The following NFXL1 variants were observed in gnomAD, a reference collection of about 807,000 sequenced individuals.
NFXL1 encodes NF-X1-type zinc finger protein NFXL1.
A neutral mutation model predicts 123.3 loss-of-function variants in NFXL1; 66 were observed. The observed-to-expected ratio is 0.54, with a 90% CI of 0.44 to 0.66. NFXL1 has a LOEUF of 0.66. Ranked by LOEUF, NFXL1 falls within the 30% of genes least tolerant of loss-of-function variation. NFXL1 has a pLI of 0.00. For synonymous variants in NFXL1, 346 were observed against 360.8 expected (o/e 0.96, Z 0.46); for missense variants, 944 against 1,125.6 (o/e 0.84, Z 2.31).
In NFXL1 at chr4:47,875,289, C is replaced by T. The variant is rs1356093749; in HGVS notation, c.2084G>A (p.Gly695Asp). Residue 695 changes from glycine to aspartate, a missense_variant, in exon 18 of 23, where the codon GGC becomes GAC. Gly to Asp is a moderately conservative substitution (Grantham distance 94, BLOSUM62 -1). Around this residue, in one of 4 missense-constraint regions of NFXL1, gnomAD observed 301 missense variants for 348.0 expected, o/e 0.86. Coordinates refer to ENST00000507489, the MANE Select transcript of NFXL1 (RefSeq NM_001278624.2). The stretch of plus-strand genomic sequence containing the variant: ...TTCCTCACAATGAAGGCATTCTGGG[C>T]CAGCCTGAAAAACAGCATGGAAATA... The part of the protein sequence containing the change: ...TDGCTGKNKA[G>D]PECLHCEEGC... 6.2e-7 allele frequency: 1 copy of T among 1,607,568 alleles called. No individual in the cohort carries two copies.
rs747583072 is a variant in NFXL1 at position 47,896,649 on chromosome 4, TA to T, written c.1205-3del. The T allele has an allele frequency of 1.3e-4, 201 of 1,600,972 alleles. 2 individuals are homozygous for T. The South Asian group carries it at 2.2e-3, about 17-fold the overall frequency. ...CTTCTGTACAAGGCAAAGAAAACTC[TA>T]AAAACATACAAAAAGTCAATGTTAA... On this transcript the variant is annotated splice_polypyrimidine_tract_variant and splice_region_variant and intron_variant, in intron 9 of 22. Coordinates refer to ENST00000507489, the MANE Select transcript of NFXL1 (RefSeq NM_001278624.2).
intron 18 of NFXL1, among the ~76,000 whole-genome samples, chr4:47,866,353 C>T (rs964581955): frequency 2.6e-5 from 4 of 152,184 alleles, no homozygotes; most frequent in African/African-American, 4.8e-5. Context: ...CACCCTCAAA[C>T]GCCAACCATT....
intron 12 of NFXL1, among the ~76,000 whole-genome samples, chr4:47,888,428 A>G (rs1033738296): frequency 2.6e-5 from 4 of 152,250 alleles, no homozygotes; most frequent in Non-Finnish European, 5.9e-5. Context: ...ACATTCTTTT[A>G]TAACTGTAGA....
intron 15 of NFXL1, among the ~76,000 whole-genome samples, chr4:47,883,244 G>T (rs1246669717): frequency 7.0e-6 from 1 of 142,386 alleles, no homozygotes; most frequent in Admixed American, 7.0e-5. Flanking sequence ...CCGTCTCAAA[G>T]AAAAAAAAAC....
At position 47,903,651 on chromosome 4, in the gene NFXL1, CTT is replaced by C. The variant is rs1737442256; in HGVS notation, c.517-330_517-329del. ...TCATACTATAATAACTGAAATGTAA[CTT>C]TATAGTCTTTTCTATAAGCATATTT... On this transcript the variant is annotated intron_variant, in intron 4 of 22. Coordinates refer to ENST00000507489, the MANE Select transcript of NFXL1 (RefSeq NM_001278624.2). Among the ~76,000 whole-genome samples, 5 of 151,978 alleles carry C rather than the reference CTT, an allele frequency of 3.3e-5. No homozygotes were observed. The South Asian group carries it at 1.0e-3, about 32-fold the overall frequency.
At chr4:47,891,336 T>A (rs1736759079) in intron 11 of NFXL1, among the ~76,000 whole-genome samples, 1 of 152,088 alleles carries the variant, frequency 6.6e-6, no homozygotes, top group South Asian at 2.1e-4. Flanking sequence ...GCTCTCAAAC[T>A]CCTGAGCTCA....
chr4:47,872,232 G>C (rs1735482094), intron 18 of NFXL1, among the ~76,000 whole-genome samples: 1 of 152,198 alleles, frequency 6.6e-6, no homozygotes, highest in African/African-American at 2.4e-5. Context: ...GGGAGGCCAA[G>C]GTGGGTGGAT....
chr4:47,874,990 T>A (rs886711372), intron 18 of NFXL1, 137 bp downstream of exon 18: 28 of 473,538 alleles, frequency 5.9e-5, no homozygotes, highest in Non-Finnish European at 9.9e-5. Flanking sequence ...ATTCTACATG[T>A]CTTCCTTCCA....
chr4:47,863,139 G>T (rs1734857245), intron 18 of NFXL1, among the ~76,000 whole-genome samples: 1 of 152,160 alleles, frequency 6.6e-6, no homozygotes, highest in Admixed American at 6.5e-5. Flanking sequence ...TGCCAAAAGT[G>T]TAATCGCTGC....
At chr4:47,867,027 A>G (rs1171014526) in intron 18 of NFXL1, among the ~76,000 whole-genome samples, 1 of 152,164 alleles carries the variant, frequency 6.6e-6, no homozygotes, top group African/African-American at 2.4e-5. Context: ...ACTTCACCTC[A>G]TGTGCCTTTT....
intron 8 of NFXL1, 92 bp from the exon 9 acceptor site, chr4:47,898,173 T>C (rs78262172): frequency 3.3e-6 from 1 of 307,158 alleles, no homozygotes; most frequent in Admixed American, 6.9e-5. Context: ...CAATCACAAA[T>C]AAACAACTGC....
At chr4:47,862,209 C>A (rs1734807995) in intron 19 of NFXL1, among the ~76,000 whole-genome samples, 1 of 152,158 alleles carries the variant, frequency 6.6e-6, no homozygotes, top group African/African-American at 2.4e-5. Flanking sequence ...TTTTTTCTAA[C>A]TACTTTTTGA....
chr4:47,849,947 TA>T (rs1346199577), intron 22 of NFXL1, among the ~76,000 whole-genome samples: 2 of 110,822 alleles, frequency 1.8e-5, no homozygotes, highest in Non-Finnish European at 3.8e-5. Flanking sequence ...AAATGCGTAT[TA>T]TTTATTTTTT....
At chr4:47,874,975 G>T in intron 18 of NFXL1, 152 bp downstream of exon 18, 1 of 449,474 alleles carries the variant, frequency 2.2e-6, no homozygotes. Flanking sequence ...CCCAGAAAGT[G>T]TAGTATTCTA....
intron 18 of NFXL1, among the ~76,000 whole-genome samples, chr4:47,867,241 G>A (rs372045749): frequency 2.0e-5 from 3 of 148,830 alleles, no homozygotes; most frequent in African/African-American, 7.5e-5. Context: ...TTGAATTCAG[G>A]AAAAAAAAAA....
chr4:47,864,822 C>A (rs370005097), intron 18 of NFXL1, among the ~76,000 whole-genome samples: 17 of 152,170 alleles, frequency 1.1e-4, no homozygotes, highest in African/African-American at 4.1e-4. Flanking sequence ...TTTGCAATAT[C>A]CTTTATAATA....
At chr4:47,908,819 G>A (rs971318548) in intron 3 of NFXL1, among the ~76,000 whole-genome samples, 1 of 151,848 alleles carries the variant, frequency 6.6e-6, no homozygotes, top group Non-Finnish European at 1.5e-5. Flanking sequence ...CCCGGGCATG[G>A]TGGCGGGCAC....
chr4:47,850,053 G>A (rs1183913467), intron 22 of NFXL1, among the ~76,000 whole-genome samples: 3 of 151,570 alleles, frequency 2.0e-5, no homozygotes, highest in African/African-American at 7.3e-5. Context: ...ATTATATTCT[G>A]TTTAAAGAGT....
rs1420506733 is a variant in NFXL1 at position 47,875,159 on chromosome 4, G to A, written c.2214C>T (p.His738=). 3 of 1,611,572 alleles carry A rather than the reference G, an allele frequency of 1.9e-6. No individual in the cohort carries two copies. The highest frequency in any genetic ancestry group is 1.3e-5 in the African/African-American group (1 of 74,808). The part of the protein sequence containing the change: ...PCVQMLRIKC[H]CKITSLYVEC... ...CCACATACAGGCTTGTGATCTTACA[G>A]TGACATTTTATTCTAAGCATCTGAA... Residue 738 remains histidine (H), a synonymous_variant, in exon 18 of 23, where the codon CAC becomes CAT. Coordinates refer to ENST00000507489, the MANE Select transcript of NFXL1 (RefSeq NM_001278624.2).
Sources: gnomAD v4.1 joint callset for allele counts (sites outside exome capture counted in the v4.1 genomes callset) on GRCh38, gnomAD v4.1.1 for gene constraint, gnomAD v4.1.1 regional missense constraint, MANE v1.5 for transcripts, NCBI Gene and HGNC (gene_info 2026-07-23, HGNC 2026-07-21) for gene names.